Variants in MTCL2 observed in about 807,000 individuals in gnomAD.
The protein encoded by MTCL2 is microtubule crosslinking factor 2.
At chr20:36,804,500 C>T in the MTCL2 span, among the ~76,000 whole-genome samples, 4 of 152,266 alleles carry the variant, frequency 2.6e-5, no homozygotes, top group South Asian at 8.3e-4. Flanking sequence ...CACCTGTGAG[C>T]CCAGGGCGCA....
the MTCL2 span, among the ~76,000 whole-genome samples, chr20:36,849,876 C>G: frequency 6.6e-6 from 1 of 152,086 alleles, no homozygotes; most frequent in East Asian, 1.9e-4. Context: ...GACCAAACAC[C>G]AGGACCCTCT....
the MTCL2 span, among the ~76,000 whole-genome samples, chr20:36,813,752 C>CAAAAAAAAA: frequency 6.1e-5 from 4 of 65,792 alleles, no homozygotes; most frequent in East Asian, 5.7e-4. Context: ...GACTCTGTCT[C>CAAAAAAAAA]AAAAAAAAAA....
the MTCL2 span, chr20:36,863,436 CGCTGGGGCTGCGGCT>C: frequency 1.0e-6 from 1 of 985,146 alleles, no homozygotes; most frequent in Non-Finnish European, 1.3e-6. The surrounding 1 kb of genome is among the most constrained non-coding windows in gnomAD (Gnocchi z 6.2). Context: ...CGGCTCCGGC[CGCTGGGGCTGCGGCT>C]GCTCTCGGCC....
chr20:36,836,642 C>T, the MTCL2 span, among the ~76,000 whole-genome samples: 1 of 152,062 alleles, frequency 6.6e-6, no homozygotes, highest in African/African-American at 2.4e-5. Flanking sequence ...CCACCCCCAG[C>T]CTCTGCTAAT....
the MTCL2 span, among the ~76,000 whole-genome samples, chr20:36,846,772 C>T: frequency 4.7e-4 from 72 of 152,240 alleles, no homozygotes; most frequent in African/African-American, 1.7e-3. Flanking sequence ...TTTGGGAGGC[C>T]GAGGCGGATG....
the MTCL2 span, among the ~76,000 whole-genome samples, chr20:36,824,357 T>C: frequency 6.1e-3 from 928 of 152,348 alleles, 10 homozygotes; most frequent in African/African-American, 0.022. Context: ...GAGGTCCTGC[T>C]ACATTCTTCA....
At chr20:36,855,797 G>A in the MTCL2 span, among the ~76,000 whole-genome samples, 1 of 152,316 alleles carries the variant, frequency 6.6e-6, no homozygotes, top group African/African-American at 2.4e-5. Context: ...GAGGAAGACG[G>A]AGTCTTGGTG....
chr20:36,793,266 C>G, the MTCL2 span: 1 of 1,551,328 alleles, frequency 6.4e-7, no homozygotes, highest in African/African-American at 1.4e-5. This position sits in a 1 kb window ranked among gnomAD's most constrained non-coding sequence, Gnocchi z 6.8. Context: ...GGAAGGACCA[C>G]GGCTCCATCT....
At chr20:36,845,079 A>G in the MTCL2 span, among the ~76,000 whole-genome samples, 5 of 152,190 alleles carry the variant, frequency 3.3e-5, no homozygotes, top group Admixed American at 2.0e-4. Context: ...CATAATTACA[A>G]TACCTGAATT....
chr20:36,833,424 C>G, the MTCL2 span, among the ~76,000 whole-genome samples: 1 of 152,248 alleles, frequency 6.6e-6, no homozygotes, highest in Non-Finnish European at 1.5e-5. Flanking sequence ...TCACTGTTTA[C>G]AGCGCTAGGG....
chr20:36,790,859 G>A, the MTCL2 span, among the ~76,000 whole-genome samples: 2 of 151,646 alleles, frequency 1.3e-5, no homozygotes, highest in Non-Finnish European at 2.9e-5. Context: ...AGAGACATGA[G>A]CCATTGCACC....
the MTCL2 span, chr20:36,839,267 T>C: frequency 1.2e-6 from 2 of 1,610,090 alleles, no homozygotes; most frequent in Non-Finnish European, 1.7e-6. This position sits in a 1 kb window ranked among gnomAD's most constrained non-coding sequence, Gnocchi z 5.1. Flanking sequence ...ACCTGGCCGG[T>C]CTGGGCGGCA....
At chr20:36,787,188 A>G in the MTCL2 span, among the ~76,000 whole-genome samples, 1 of 151,778 alleles carries the variant, frequency 6.6e-6, no homozygotes, top group Non-Finnish European at 1.5e-5. Flanking sequence ...GTACCATTTC[A>G]CTAGATAGAA....
At chr20:36,826,173 A>AT in the MTCL2 span, among the ~76,000 whole-genome samples, 43 of 149,996 alleles carry the variant, frequency 2.9e-4, 1 homozygote, top group African/African-American at 6.6e-4. Context: ...CTCCTGGCTA[A>AT]TTTTTTTTTG....
At chr20:36,808,377 G>A in the MTCL2 span, 596 of 602,678 alleles carry the variant, frequency 9.9e-4, 1 homozygote, top group Admixed American at 2.4e-3. Context: ...AAAAAGCAAC[G>A]AATGCAGGAA....
At chr20:36,843,350 C>T in the MTCL2 span, among the ~76,000 whole-genome samples, 1 of 152,280 alleles carries the variant, frequency 6.6e-6, no homozygotes, top group Non-Finnish European at 1.5e-5. Flanking sequence ...GCCCTCCAGG[C>T]CAGTTCTCAC....
the MTCL2 span, among the ~76,000 whole-genome samples, chr20:36,795,972 G>A: frequency 2.0e-5 from 3 of 152,052 alleles, no homozygotes; most frequent in East Asian, 3.9e-4. Flanking sequence ...GAGTTCCTCC[G>A]ACAGCCTGAA....
the MTCL2 span, among the ~76,000 whole-genome samples, chr20:36,822,085 T>C: frequency 6.6e-6 from 1 of 152,236 alleles, no homozygotes; most frequent in Non-Finnish European, 1.5e-5. Context: ...ATCTAAGCCA[T>C]GTGGGCTCCC....
the MTCL2 span, among the ~76,000 whole-genome samples, chr20:36,789,866 A>C: frequency 6.6e-6 from 1 of 152,084 alleles, no homozygotes; most frequent in Non-Finnish European, 1.5e-5. Flanking sequence ...TCTGTTGCTC[A>C]GGCTGGAGTG....
Sources: allele counts gnomAD v4.1 joint callset (sites outside exome capture counted in the v4.1 genomes callset), GRCh38; gene constraint gnomAD v4.1.1; non-coding constraint Gnocchi (gnomAD v3.1); transcripts MANE v1.5; gene names NCBI Gene and HGNC (gene_info 2026-07-23, HGNC 2026-07-21).